The following CDYL2 variants were observed in gnomAD, a reference collection of about 807,000 sequenced individuals.
CDYL2 encodes the protein chromodomain Y-like protein 2.
Under a neutral mutation model 49.4 loss-of-function variants are expected in CDYL2, and 23 were observed. The observed-to-expected ratio is 0.47, with a 90% CI of 0.34 to 0.66. CDYL2 has a LOEUF of 0.66. CDYL2 is among the 30% of genes least tolerant of loss of function. CDYL2 has a pLI of 0.01. For synonymous variants in CDYL2, 360 were observed against 268.8 expected, an observed-to-expected ratio of 1.34 and a Z score of -3.32; for missense variants, 678 against 656.4, an observed-to-expected ratio of 1.03 and a Z score of -0.36.
chr16:80,694,060 C>A (rs1043361163), intron 1 of CDYL2, among the ~76,000 whole-genome samples: 3 of 152,228 alleles, frequency 2.0e-5, no homozygotes, highest in African/African-American at 7.2e-5. Context: ...GCACCAAGGA[C>A]CAGTCTCATG....
At chr16:80,689,696 T>C (rs17753059) in intron 1 of CDYL2, among the ~76,000 whole-genome samples, 2,735 of 152,292 alleles carry the variant, frequency 0.018, 29 homozygotes, top group Admixed American at 0.026. Context: ...ACAATAACTC[T>C]TCAAGGATCA....
rs750404429 is a variant in CDYL2, at chr16:80,633,043, C to T, written c.810G>A (p.Ser270=). 7.4e-6 allele frequency: 12 copies of T among 1,613,984 alleles called. 1 individual carries two copies. In the East Asian group the frequency reaches 1.6e-4, roughly 21 times the overall value. Residue 270 remains serine, a synonymous_variant, in exon 3 of 7, where the codon TCG becomes TCA. Coordinates refer to ENST00000570137, the MANE Select transcript of CDYL2 (RefSeq NM_152342.4). ...CCTCAGGTGTCAGGGCATTGTTATC[C>T]GAGGTCTGACTGGACAGCAGGATGT... ...FTHILLSSQT[S]DNNALTPEIM...
intron 2 of CDYL2, among the ~76,000 whole-genome samples, chr16:80,678,697 A>C (rs1270602150): frequency 6.7e-6 from 1 of 149,952 alleles, no homozygotes; most frequent in African/African-American, 2.5e-5. Context: ...TGTGGAAGTC[A>C]GTGTGGCGAT....
At chr16:80,690,314 G>A (rs1162781577) in intron 1 of CDYL2, among the ~76,000 whole-genome samples, 1 of 151,820 alleles carries the variant, frequency 6.6e-6, no homozygotes, top group African/African-American at 2.4e-5. Context: ...AGAAGGACTG[G>A]AGCAGTGAGG....
chr16:80,645,003 G>C (rs1908271500), intron 2 of CDYL2, among the ~76,000 whole-genome samples: 3 of 152,114 alleles, frequency 2.0e-5, no homozygotes, highest in Admixed American at 2.0e-4. Flanking sequence ...ATGGATTAAA[G>C]ACTTAAACGT....
intron 1 of CDYL2, among the ~76,000 whole-genome samples, chr16:80,712,084 T>G (rs1904622836): frequency 6.7e-6 from 1 of 148,460 alleles, no homozygotes; most frequent in African/African-American, 2.5e-5. Flanking sequence ...TATATAGATG[T>G]GTGTGTATAT....
chr16:80,652,115 A>T (rs921089790), intron 2 of CDYL2, among the ~76,000 whole-genome samples: 8 of 152,182 alleles, frequency 5.3e-5, no homozygotes, highest in Non-Finnish European at 1.2e-4. Flanking sequence ...GAGGGCCCAG[A>T]ATCAATGACA....
intron 1 of CDYL2, among the ~76,000 whole-genome samples, chr16:80,690,535 AC>A (rs200706527): frequency 0.018 from 2,814 of 152,302 alleles, 29 homozygotes; most frequent in Admixed American, 0.026. Flanking sequence ...AAACTGAGGC[AC>A]CCAGAAGTTA....
chr16:80,641,429 C>T (rs142153943), intron 2 of CDYL2, among the ~76,000 whole-genome samples: 28 of 152,168 alleles, frequency 1.8e-4, no homozygotes, highest in African/African-American at 6.7e-4. Flanking sequence ...TAAAGACTTT[C>T]CCATACAAAC....
intron 2 of CDYL2, among the ~76,000 whole-genome samples, chr16:80,665,021 C>A (rs1470296072): frequency 6.6e-6 from 1 of 152,134 alleles, no homozygotes; most frequent in Non-Finnish European, 1.5e-5. Context: ...ACTCATCATA[C>A]CCCCAGAACG....
intron 1 of CDYL2, among the ~76,000 whole-genome samples, chr16:80,708,658 G>T (rs1356595015): frequency 6.6e-6 from 1 of 152,152 alleles, no homozygotes; most frequent in African/African-American, 2.4e-5. Flanking sequence ...TGGCTGCAAA[G>T]GGCGTCACTG....
At chr16:80,758,755 G>A (rs1212379349) in intron 1 of CDYL2, among the ~76,000 whole-genome samples, 1 of 151,738 alleles carries the variant, frequency 6.6e-6, no homozygotes, top group Non-Finnish European at 1.5e-5. Context: ...TGTTAGCCAG[G>A]ATGGTTTCAA....
chr16:80,720,142 C>G (rs9939101), intron 1 of CDYL2, among the ~76,000 whole-genome samples: 1 of 152,076 alleles, frequency 6.6e-6, no homozygotes, highest in Non-Finnish European at 1.5e-5. Context: ...ATCTCTCGGG[C>G]CCTGAAACTA....
intron 1 of CDYL2, among the ~76,000 whole-genome samples, chr16:80,723,626 T>C (rs79784665): frequency 7.8e-4 from 119 of 152,240 alleles, no homozygotes; most frequent in African/African-American, 2.8e-3. Context: ...CAGCAAACCA[T>C]AGCCTACAAG....
At chr16:80,676,379 G>A (rs1364261111) in intron 2 of CDYL2, among the ~76,000 whole-genome samples, 1 of 152,174 alleles carries the variant, frequency 6.6e-6, no homozygotes, top group Non-Finnish European at 1.5e-5. Flanking sequence ...GCTGGGCTCA[G>A]GGAAGTGGAT....
intron 2 of CDYL2, among the ~76,000 whole-genome samples, chr16:80,672,599 G>GGAAAGGAAAGGAAAGGAAAA (rs1909573059): frequency 6.7e-6 from 1 of 149,178 alleles, no homozygotes; most frequent in African/African-American, 2.5e-5. Flanking sequence ...GGAAAGGAAA[G>GGAAAGGAAAGGAAAGGAAAA]GAAAGGAAAG....
intron 1 of CDYL2, among the ~76,000 whole-genome samples, chr16:80,766,470 A>G (rs1181899052): frequency 6.6e-6 from 1 of 152,210 alleles, no homozygotes; most frequent in Non-Finnish European, 1.5e-5. Flanking sequence ...TGAAAATGGC[A>G]TTCTCCGGGG....
Position 80,746,863 on chromosome 16 carries a change from C to G in CDYL2, c.24+57287G>C, listed in dbSNP as rs370371410. ...AAACTGAGCAGACTTTAACAACTTG[C>G]AGACTTCACTTAAAGTCCAGATTCC... On this transcript the variant is annotated intron_variant, in intron 1 of 6. Coordinates refer to ENST00000570137, the MANE Select transcript of CDYL2 (RefSeq NM_152342.4). Among the ~76,000 whole-genome samples, 6 of 152,274 alleles carry G rather than the reference C, an allele frequency of 3.9e-5. 1 individual carries two copies. Among genetic ancestry groups the G allele is most frequent in the African/African-American group, 9.6e-5 (4 of 41,546 alleles).
chr16:80,774,298 T>C (rs1438199291), intron 1 of CDYL2, among the ~76,000 whole-genome samples: 1 of 150,620 alleles, frequency 6.6e-6, no homozygotes, highest in South Asian at 2.1e-4. Context: ...AGCCAGGCGC[T>C]GAAAGACAAA....
Sources: allele counts gnomAD v4.1 joint callset (sites outside exome capture counted in the v4.1 genomes callset), GRCh38; gene constraint gnomAD v4.1.1; transcripts MANE v1.5; gene names NCBI Gene and HGNC (gene_info 2026-07-23, HGNC 2026-07-21).